MIA2: variants seen among roughly 807,000 people sequenced by gnomAD.
The protein encoded by MIA2 is melanoma inhibitory activity protein 2.
Under a neutral mutation model 167.8 loss-of-function variants are expected in MIA2, and 127 were observed. That is an observed-to-expected ratio of 0.76 (90% CI 0.66 to 0.88). The LOEUF (loss-of-function observed/expected upper bound fraction) is 0.88, where lower values mean the gene tolerates loss of function less well. MIA2 is among the 40% of genes least tolerant of loss of function. MIA2 has a pLI of 0.00. For synonymous variants in MIA2, 552 were observed against 541.9 expected (o/e 1.02, Z -0.26); for missense variants, 1,690 against 1,624.7 (o/e 1.04, Z -0.69).
intron 23 of MIA2, among the ~76,000 whole-genome samples, chr14:39,364,814 CTG>C (rs879643933): frequency 4.6e-5 from 7 of 151,004 alleles, no homozygotes; most frequent in Non-Finnish European, 7.4e-5. Flanking sequence ...GCTGAGAAAT[CTG>C]TGGTTATTTT....
intron 7 of MIA2, among the ~76,000 whole-genome samples, chr14:39,278,195 C>T (rs978901240): frequency 1.3e-5 from 2 of 152,014 alleles, no homozygotes; most frequent in African/African-American, 4.8e-5. Flanking sequence ...AACTCCTGGC[C>T]TCAAGTGATC....
chr14:39,338,108 T>C (rs2070866752), intron 25 of MIA2, among the ~76,000 whole-genome samples: 1 of 150,960 alleles, frequency 6.6e-6, no homozygotes, highest in Non-Finnish European at 1.5e-5. Flanking sequence ...GGGAGGGGAG[T>C]GGGTATGACT....
chr14:39,266,693 G>T (rs1377455380), intron 6 of MIA2: 1 of 985,594 alleles, frequency 1.0e-6, no homozygotes, highest in Non-Finnish European at 1.2e-6. Context: ...CTGGAATGAC[G>T]GCGGCGGCTG....
Position 39,317,324 on chromosome 14 carries a change from C to T in MIA2, c.3217-620C>T, listed in dbSNP as rs555352004. 6.6e-5 allele frequency among the ~76,000 whole-genome samples: 10 copies of T among 152,218 alleles called. No individual in the cohort carries two copies. In the East Asian group the frequency reaches 7.7e-4, roughly 12 times the overall value. On this transcript the variant is annotated intron_variant, in intron 21 of 28. Transcript: ENST00000640607. The stretch of plus-strand genomic sequence containing the variant: ...GAGCTGAGCTACCCACAGGAGCAGA[C>T]GGGTCTGGGCAGAAGACAGTTAATA...
intron 6 of MIA2, among the ~76,000 whole-genome samples, chr14:39,257,590 G>A (rs2054879239): frequency 6.6e-6 from 1 of 151,986 alleles, no homozygotes; most frequent in Admixed American, 6.5e-5. Flanking sequence ...TACATTTAAG[G>A]TTAATATTGT....
chr14:39,332,810 A>C (rs1030381498), intron 25 of MIA2, among the ~76,000 whole-genome samples: 5 of 151,826 alleles, frequency 3.3e-5, no homozygotes, highest in African/African-American at 9.7e-5. Context: ...TGAAGACATC[A>C]CCCGCCTTCT....
chr14:39,302,057 A>G, intron 14 of MIA2, 72 bp from the exon 15 acceptor site: 1 of 1,499,544 alleles, frequency 6.7e-7, no homozygotes. Context: ...CTATAACTGT[A>G]CATTCACAAG....
chr14:39,267,549 G>C (rs1437566284), intron 6 of MIA2: 2 of 1,611,146 alleles, frequency 1.2e-6, no homozygotes, highest in Non-Finnish European at 1.7e-6. Context: ...TGAGTGTTAC[G>C]TGGCCCAGGG....
intron 25 of MIA2, among the ~76,000 whole-genome samples, chr14:39,344,697 T>G (rs1242559985): frequency 6.6e-6 from 1 of 152,202 alleles, no homozygotes; most frequent in Non-Finnish European, 1.5e-5. Flanking sequence ...TGGGGTTGTT[T>G]ACGTATATCT....
intron 6 of MIA2, among the ~76,000 whole-genome samples, chr14:39,263,222 T>C (rs2055215049): frequency 6.6e-6 from 1 of 152,228 alleles, no homozygotes; most frequent in African/African-American, 2.4e-5. Flanking sequence ...GTTTTTAGCA[T>C]GAAGGGCTGT....
intron 6 of MIA2, among the ~76,000 whole-genome samples, chr14:39,269,563 A>G: frequency 6.7e-6 from 1 of 148,454 alleles, no homozygotes; most frequent in Non-Finnish European, 1.5e-5. Context: ...CCTGTCACCC[A>G]GGGGGGAGTG....
At chr14:39,244,008 G>A (rs1249301690) in intron 3 of MIA2, among the ~76,000 whole-genome samples, 1 of 152,360 alleles carries the variant, frequency 6.6e-6, no homozygotes, top group Admixed American at 6.5e-5. Context: ...TAGACTGAGT[G>A]GGGGAACCCA....
Position 39,315,705 on chromosome 14 carries a change from C to A in MIA2, c.3203C>A (p.Ala1068Glu). ...QGQIISHEKK[A>E]HDNWLAARNA... ...CAGATTATTTCCCATGAGAAAAAAG[C>A]ACATGATAATTGGGTAAGTTTAAAA... The change falls in exon 21 of 29, where the codon GCA becomes GAA. Residue 1068 changes from alanine to glutamate, a missense_variant. Coordinates refer to ENST00000640607, the MANE Select transcript of MIA2 (RefSeq NM_001329214.4). 6.4e-7 allele frequency: 1 copy of A among 1,554,182 alleles called. No homozygotes were observed. Among genetic ancestry groups the A allele is most frequent in the Non-Finnish European group, 8.8e-7 (1 of 1,138,234 alleles).
intron 6 of MIA2, among the ~76,000 whole-genome samples, chr14:39,272,143 G>A (rs890015522): frequency 1.1e-4 from 16 of 152,138 alleles, no homozygotes; most frequent in African/African-American, 3.9e-4. Context: ...CACGAGGTCA[G>A]GAGTTTGAGA....
At chr14:39,271,734 A>G (rs1169888249) in intron 6 of MIA2, among the ~76,000 whole-genome samples, 1 of 151,698 alleles carries the variant, frequency 6.6e-6, no homozygotes, top group African/African-American at 2.4e-5. Flanking sequence ...CTTCAAGACC[A>G]GCCCGGGCAA....
chr14:39,283,218 A>G (rs1594999087), intron 9 of MIA2, among the ~76,000 whole-genome samples: 1 of 152,328 alleles, frequency 6.6e-6, no homozygotes, highest in East Asian at 1.9e-4. Flanking sequence ...AGCTGTGTGT[A>G]GAAGGTGCCA....
chr14:39,321,202 G>A, intron 24 of MIA2, 146 bp downstream of exon 24: 1 of 724,104 alleles, frequency 1.4e-6, no homozygotes, highest in Non-Finnish European at 2.2e-6. Context: ...TTTGGAAAAG[G>A]AGCTCTATGA....
At position 39,253,062 on chromosome 14, in the gene MIA2, AATC is replaced by A. The variant is rs753909013; in HGVS notation, c.1787-7_1787-5del. The stretch of plus-strand genomic sequence containing the variant: ...TCATGCTAACATATTTTTATTTATA[AATC>A]AACAGAAGATGCTTCTGAGTTTCAG... On this transcript the variant is annotated splice_region_variant and splice_polypyrimidine_tract_variant and intron_variant, in intron 5 of 28. Coordinates refer to ENST00000640607, the MANE Select transcript of MIA2 (RefSeq NM_001329214.4). 1 of 1,579,074 alleles carries A rather than the reference AATC, an allele frequency of 6.3e-7. No homozygotes were observed. Among genetic ancestry groups the A allele is most frequent in the East Asian group, 2.2e-5 (1 of 44,536 alleles).
chr14:39,343,085 C>T (rs1193131954), intron 25 of MIA2, among the ~76,000 whole-genome samples: 1 of 152,166 alleles, frequency 6.6e-6, no homozygotes, highest in East Asian at 1.9e-4. Flanking sequence ...TATGTTCTTT[C>T]AAGATTGTCC....
Sources: gnomAD v4.1 joint callset for allele counts (sites outside exome capture counted in the v4.1 genomes callset) on GRCh38, gnomAD v4.1.1 for gene constraint, MANE v1.5 for transcripts, NCBI Gene and HGNC (gene_info 2026-07-23, HGNC 2026-07-21) for gene names.